MEI4: variants seen among roughly 807,000 people sequenced by gnomAD.
MEI4 encodes the protein meiotic double-stranded break formation protein 4, also known as meiosis-specific protein MEI4.
A neutral mutation model predicts 31.4 loss-of-function variants in MEI4; 27 were observed. That is an observed-to-expected ratio of 0.86 (90% CI 0.63 to 1.19). The LOEUF is 1.19. Among genes scored for constraint, MEI4 ranks in the 50% most tolerant of loss-of-function variants. The pLI is 0.00. For synonymous variants in MEI4, 122 were observed against 145.4 expected (o/e 0.84, Z 1.16); for missense variants, 329 against 398.9 (o/e 0.82, Z 1.49).
At chr6:77,917,169 A>G (rs1322623182) in intron 4 of MEI4, among the ~76,000 whole-genome samples, 3 of 152,068 alleles carry the variant, frequency 2.0e-5, no homozygotes, top group African/African-American at 7.2e-5. Flanking sequence ...CCAGTCTATC[A>G]TTGTTGGACA....
intron 4 of MEI4, among the ~76,000 whole-genome samples, chr6:77,914,804 T>G (rs974489056): frequency 4.6e-5 from 7 of 152,172 alleles, no homozygotes; most frequent in Admixed American, 4.6e-4. Flanking sequence ...TCGTGGTGTA[T>G]TGTACTTTTA....
intron 4 of MEI4, among the ~76,000 whole-genome samples, chr6:77,869,262 A>G (rs1771138043): frequency 6.6e-6 from 1 of 152,186 alleles, no homozygotes; most frequent in African/African-American, 2.4e-5. Flanking sequence ...AAGCTGTGTC[A>G]TTAGATAGAA....
intron 2 of MEI4, among the ~76,000 whole-genome samples, chr6:77,715,621 T>C (rs1336175598): frequency 6.6e-6 from 1 of 152,204 alleles, no homozygotes; most frequent in African/African-American, 2.4e-5. Flanking sequence ...GAATCAAGCA[T>C]ATGGCTTTTG....
chr6:77,698,638 C>T lies in MEI4; in HGVS notation c.232+7735C>T, dbSNP rs187216889. On this transcript the variant is annotated intron_variant, in intron 2 of 4. Transcript: ENST00000684080. ...TATAGAGTTTCTGCTGAGAGATCCA[C>T]TGGTAGTCTGATGGGTTTCCCCTTG... 2.3e-3 allele frequency among the ~76,000 whole-genome samples: 349 copies of T among 152,348 alleles called. 3 individuals are homozygous for T. The highest frequency in any genetic ancestry group is 7.6e-3 in the African/African-American group (316 of 41,580).
At chr6:77,863,559 C>T (rs1770930068) in intron 4 of MEI4, among the ~76,000 whole-genome samples, 1 of 152,126 alleles carries the variant, frequency 6.6e-6, no homozygotes, top group Admixed American at 6.5e-5. Flanking sequence ...ATGAACAAAG[C>T]CTCCAAGAAA....
At chr6:77,828,347 C>T (rs1243483653) in intron 3 of MEI4, among the ~76,000 whole-genome samples, 2 of 151,806 alleles carry the variant, frequency 1.3e-5, no homozygotes, top group African/African-American at 4.8e-5. Flanking sequence ...TCCTGAGCTT[C>T]CCCTCCTGTC....
At chr6:77,777,376 A>G (rs1008951062) in intron 3 of MEI4, among the ~76,000 whole-genome samples, 3 of 152,172 alleles carry the variant, frequency 2.0e-5, no homozygotes, top group Admixed American at 6.5e-5. Context: ...GTGCTAGAAT[A>G]TAAAATAAGG....
intron 3 of MEI4, among the ~76,000 whole-genome samples, chr6:77,800,170 T>C (rs921737674): frequency 1.2e-4 from 19 of 152,178 alleles, no homozygotes; most frequent in African/African-American, 4.6e-4. Context: ...TTTTATTTCA[T>C]TGAGCAGTGG....
chr6:77,875,840 C>T (rs920354854), intron 4 of MEI4, among the ~76,000 whole-genome samples: 5 of 152,058 alleles, frequency 3.3e-5, no homozygotes, highest in African/African-American at 1.2e-4. Context: ...AACTCTAGGA[C>T]ACAAGGAATT....
chr6:77,841,025 A>C (rs978684817), intron 4 of MEI4, among the ~76,000 whole-genome samples: 1 of 152,100 alleles, frequency 6.6e-6, no homozygotes, highest in African/African-American at 2.4e-5. Context: ...GCTTAAGACC[A>C]CAGGGAGTTG....
intron 2 of MEI4, among the ~76,000 whole-genome samples, chr6:77,732,841 T>C (rs1253010804): frequency 2.0e-5 from 3 of 151,848 alleles, no homozygotes; most frequent in Non-Finnish European, 2.9e-5. Context: ...GCATGAAGAG[T>C]TGTTGAATTT....
intron 4 of MEI4, among the ~76,000 whole-genome samples, chr6:77,901,618 T>G (rs1290067235): frequency 6.6e-6 from 1 of 152,096 alleles, no homozygotes; most frequent in African/African-American, 2.4e-5. Flanking sequence ...TATTAGCCCT[T>G]TATCAGGTAT....
intron 4 of MEI4, among the ~76,000 whole-genome samples, chr6:77,894,989 A>G (rs1303445844): frequency 1.3e-5 from 2 of 152,182 alleles, no homozygotes; most frequent in African/African-American, 2.4e-5. Flanking sequence ...TCCATCAATA[A>G]TGGACATACA....
chr6:77,728,002 T>A (rs1766869859), intron 2 of MEI4, among the ~76,000 whole-genome samples: 1 of 152,172 alleles, frequency 6.6e-6, no homozygotes, highest in South Asian at 2.1e-4. Context: ...ATTGTAAGAT[T>A]TATAAGTTGC....
chr6:77,885,641 C>T (rs1382172546), intron 4 of MEI4, among the ~76,000 whole-genome samples: 2 of 151,966 alleles, frequency 1.3e-5, no homozygotes, highest in Admixed American at 6.6e-5. Flanking sequence ...TTTCTCTCTT[C>T]CAATTTGGAT....
intron 4 of MEI4, among the ~76,000 whole-genome samples, chr6:77,843,055 G>A (rs1770401796): frequency 6.7e-6 from 1 of 148,900 alleles, no homozygotes; most frequent in African/African-American, 2.5e-5. Context: ...CAGAGCACTT[G>A]ACAACTCATT....
intron 1 of MEI4, among the ~76,000 whole-genome samples, chr6:77,690,000 C>T (rs1207850432): frequency 1.3e-5 from 2 of 151,958 alleles, no homozygotes; most frequent in East Asian, 3.9e-4. Context: ...AAGACTGTGA[C>T]ACACTGTTGG....
intron 4 of MEI4, among the ~76,000 whole-genome samples, chr6:77,852,556 T>TTTTTTG (rs1274352951): frequency 1.2e-4 from 18 of 146,386 alleles, no homozygotes; most frequent in Non-Finnish European, 2.1e-4. Context: ...CTTTTTTACT[T>TTTTTTG]TTTTTGTTTT....
Position 77,761,529 on chromosome 6 carries a change from A to G in MEI4, c.632A>G (p.Glu211Gly). Residue 211 changes from glutamate to glycine, a missense_variant, in exon 3 of 5, where the codon GAA becomes GGA. Transcript: ENST00000684080. ...CTTCCTTTTTCAAGATTTTGGACAG[A>G]AGCTGTTGGTACTTTAGCTAGTCTG... ...PKLPFSRFWT[E>G]AVGTLASLIS... is the part of the protein sequence containing the mutation. 1 of 1,232,146 alleles carries G rather than the reference A, an allele frequency of 8.1e-7. No homozygotes were observed. The highest frequency in any genetic ancestry group is 1.0e-6 in the Non-Finnish European group (1 of 987,920). 76.3% of individuals were successfully genotyped at this position (1,232,146 alleles called of 1,614,324 possible).
Sources: gnomAD v4.1 joint callset for allele counts (sites outside exome capture counted in the v4.1 genomes callset) on GRCh38, gnomAD v4.1.1 for gene constraint, MANE v1.5 for transcripts, NCBI Gene and HGNC (gene_info 2026-07-23, HGNC 2026-07-21) for gene names.